RBFOX1: variants seen among roughly 807,000 people sequenced by gnomAD.
The protein encoded by RBFOX1 is RNA binding protein fox-1 homolog 1.
RBFOX1 carries 8 observed loss-of-function variants against 57.7 expected under a neutral mutation model. That is an observed-to-expected ratio of 0.14 (90% CI 0.08 to 0.25). RBFOX1 has a LOEUF of 0.25. Ranked by LOEUF, RBFOX1 falls within the 10% of genes least tolerant of loss-of-function variation. RBFOX1 has a pLI of 1.00. For missense variants in RBFOX1, 611 were observed against 548.5 expected, an observed-to-expected ratio of 1.11 and a Z score of -1.14; for synonymous variants, 326 against 222.4, an observed-to-expected ratio of 1.47 and a Z score of -4.15.
chr16:7,552,270 A>G (rs573559155), intron 5 of RBFOX1, among the ~76,000 whole-genome samples: 2 of 151,936 alleles, frequency 1.3e-5, no homozygotes, highest in South Asian at 2.1e-4. Flanking sequence ...TTCCATGTCT[A>G]TGAGAGCTTT....
At chr16:7,305,278 T>C (rs569817551) in intron 4 of RBFOX1, among the ~76,000 whole-genome samples, 1 of 152,234 alleles carries the variant, frequency 6.6e-6, no homozygotes, top group Non-Finnish European at 1.5e-5. Flanking sequence ...CTTGGGACCC[T>C]CTCTGCTCTG....
chr16:6,033,422 A>G (rs1434642648), intron 1 of RBFOX1, among the ~76,000 whole-genome samples: 1 of 152,242 alleles, frequency 6.6e-6, no homozygotes, highest in African/African-American at 2.4e-5. Flanking sequence ...TATTAGAGAC[A>G]ACTATTTTTA....
intron 2 of RBFOX1, among the ~76,000 whole-genome samples, chr16:5,525,256 C>G (rs541066799): frequency 2.5e-3 from 385 of 152,200 alleles, no homozygotes; most frequent in Non-Finnish European, 4.5e-3. Context: ...TGTTCCTCAG[C>G]TGAGAAGACA....
At chr16:7,359,002 C>G (rs983005366) in intron 4 of RBFOX1, among the ~76,000 whole-genome samples, 4 of 152,162 alleles carry the variant, frequency 2.6e-5, no homozygotes, top group African/African-American at 9.6e-5. Flanking sequence ...ATGAAAAAAT[C>G]TAAGATTAGT....
At chr16:5,764,356 T>C (rs907342772) in intron 3 of RBFOX1, among the ~76,000 whole-genome samples, 15 of 152,348 alleles carry the variant, frequency 9.8e-5, no homozygotes, top group African/African-American at 3.6e-4. Flanking sequence ...AGGACTCCTT[T>C]CTTCACCAGA....
intron 3 of RBFOX1, among the ~76,000 whole-genome samples, chr16:6,929,107 C>A (rs1011341231): frequency 5.3e-5 from 8 of 152,118 alleles, no homozygotes; most frequent in African/African-American, 1.9e-4. Flanking sequence ...AATTCACAGG[C>A]CCACATTGCA....
chr16:5,741,605 C>G (rs889217799), intron 3 of RBFOX1, among the ~76,000 whole-genome samples: 1 of 152,178 alleles, frequency 6.6e-6, no homozygotes, highest in East Asian at 1.9e-4. Flanking sequence ...TTATCTTACA[C>G]TTATTTTTAT....
intron 3 of RBFOX1, among the ~76,000 whole-genome samples, chr16:5,717,490 T>A (rs1237209704): frequency 6.6e-6 from 1 of 152,206 alleles, no homozygotes; most frequent in Non-Finnish European, 1.5e-5. Context: ...TGTAGTCTTT[T>A]ATCTCTCACC....
intron 14 of RBFOX1, among the ~76,000 whole-genome samples, chr16:7,695,280 C>G (rs1162892981): frequency 6.6e-6 from 1 of 152,134 alleles, no homozygotes; most frequent in Non-Finnish European, 1.5e-5. Flanking sequence ...CAGATTATCT[C>G]CCAGCAAGTT....
intron 4 of RBFOX1, among the ~76,000 whole-genome samples, chr16:7,192,403 C>G (rs192481492): frequency 1.3e-5 from 2 of 152,100 alleles, no homozygotes; most frequent in African/African-American, 2.4e-5. Flanking sequence ...TGCTTAGGAG[C>G]TTTAGACTCA....
intron 4 of RBFOX1, among the ~76,000 whole-genome samples, chr16:5,938,589 T>G (rs1168037969): frequency 6.6e-6 from 1 of 152,158 alleles, no homozygotes; most frequent in Non-Finnish European, 1.5e-5. Context: ...CATCCTTGAA[T>G]TTTTTAGCTC....
chr16:5,300,219 G>T (rs192163265), intron 1 of RBFOX1, among the ~76,000 whole-genome samples: 2 of 152,096 alleles, frequency 1.3e-5, no homozygotes, highest in Non-Finnish European at 2.9e-5. Context: ...TTTTATTAAA[G>T]ATTTTTGCAT....
chr16:7,280,719 G>A (rs2095524013), intron 4 of RBFOX1, among the ~76,000 whole-genome samples: 1 of 152,140 alleles, frequency 6.6e-6, no homozygotes, highest in African/African-American at 2.4e-5. Flanking sequence ...ATAGTTCATT[G>A]ATATGAGTTT....
At chr16:7,444,892 A>G (rs962250000) in intron 4 of RBFOX1, among the ~76,000 whole-genome samples, 1 of 152,186 alleles carries the variant, frequency 6.6e-6, no homozygotes, top group African/African-American at 2.4e-5. Context: ...AGATAGATAG[A>G]CAGTTACTAC....
At chr16:5,566,358 G>A (rs1037841151) in intron 2 of RBFOX1, among the ~76,000 whole-genome samples, 1 of 152,024 alleles carries the variant, frequency 6.6e-6, no homozygotes, top group African/African-American at 2.4e-5. Context: ...CACAAACATC[G>A]GGCTGCAAAT....
intron 1 of RBFOX1, among the ~76,000 whole-genome samples, chr16:5,329,982 CAAAAAAA>C (rs71142613): frequency 6.9e-6 from 1 of 144,646 alleles, no homozygotes; most frequent in African/African-American, 2.8e-5. Flanking sequence ...GACTCTGTCT[CAAAAAAA>C]AAAAAAAAAA....
At chr16:7,663,169 G>A (rs1016757608) in intron 12 of RBFOX1, among the ~76,000 whole-genome samples, 1 of 152,154 alleles carries the variant, frequency 6.6e-6, no homozygotes, top group Non-Finnish European at 1.5e-5. Context: ...GCAGAGGGTG[G>A]CTCTGCCTTC....
rs9924178 is a variant in RBFOX1 at position 7,195,673 on chromosome 16, C to T, written c.27+143575C>T. The stretch of plus-strand genomic sequence containing the variant: ...CCCAGGTTCAAGCGATAGCCTCAGC[C>T]TCCCGAGTAGCTGGAACTACAGGCC... On this transcript the variant is annotated intron_variant, in intron 4 of 15. Coordinates refer to ENST00000550418, the MANE Select transcript of RBFOX1 (RefSeq NM_018723.4). Among the ~76,000 whole-genome samples, 1,063 of 152,274 alleles carry T rather than the reference C, an allele frequency of 7.0e-3. 16 individuals are homozygous for T. Among genetic ancestry groups the T allele is most frequent in the African/African-American group, 0.025 (1,028 of 41,552 alleles).
intron 5 of RBFOX1, among the ~76,000 whole-genome samples, chr16:7,535,140 A>T (rs1507016): frequency 6.6e-6 from 1 of 152,004 alleles, no homozygotes; most frequent in Non-Finnish European, 1.5e-5. Context: ...ATGCTATGAA[A>T]TCTCCTTAAA....
Sources: gnomAD v4.1 joint callset for allele counts (sites outside exome capture counted in the v4.1 genomes callset) on GRCh38, gnomAD v4.1.1 for gene constraint, MANE v1.5 for transcripts, NCBI Gene and HGNC (gene_info 2026-07-23, HGNC 2026-07-21) for gene names.